Variants in ZDHHC5 observed in about 807,000 individuals in gnomAD.
ZDHHC5 encodes the protein zDHHC palmitoyltransferase 5, also known as palmitoyltransferase ZDHHC5.
A neutral mutation model predicts 70.0 loss-of-function variants in ZDHHC5; 22 were observed. The observed-to-expected ratio is 0.31, with a 90% CI of 0.22 to 0.45. The LOEUF is 0.45. Ranked by LOEUF, ZDHHC5 falls within the 20% of genes least tolerant of loss-of-function variation. The pLI is 1.00. For missense variants in ZDHHC5, 746 were observed against 926.9 expected (o/e 0.80, Z 2.53); for synonymous variants, 313 against 347.8 (o/e 0.90, Z 1.11).
intron 8 of ZDHHC5, 137 bp from the exon 9 acceptor site, chr11:57,695,783 G>T: frequency 8.4e-7 from 1 of 1,189,048 alleles, no homozygotes; most frequent in Non-Finnish European, 1.1e-6. Flanking sequence ...TCAACAGAGT[G>T]AGACCTTGTC....
chr11:57,696,761 A>G lies in ZDHHC5; in HGVS notation c.1010A>G (p.Asp337Gly). The G allele has an allele frequency of 6.2e-7, 1 of 1,613,538 alleles. No homozygotes were observed. The highest frequency in any genetic ancestry group is 8.5e-7 in the Non-Finnish European group (1 of 1,179,624). ...RTHLGLATNE[D>G]SSLLAKDSPP... is the part of the protein sequence containing the mutation. ...GCCCCCTTGGCCTTTTTTCTTGCAG[A>G]TAGTAGCTTATTGGCCAAGGACAGC... Residue 337 changes from aspartate to glycine, a missense_variant and splice_region_variant, in exon 10 of 12, where the codon GAT becomes GGT. By Grantham distance (94) the Asp-to-Gly change is moderately conservative (BLOSUM62 -1). This residue lies in a region of ZDHHC5 where 179 missense variants were observed against 178.4 expected (regional missense o/e 1.00). Transcript: ENST00000287169.
At chr11:57,690,903 C>A (rs958705388) in intron 6 of ZDHHC5, among the ~76,000 whole-genome samples, 5 of 151,818 alleles carry the variant, frequency 3.3e-5, no homozygotes, top group Admixed American at 6.6e-5. Context: ...ATGTAAGTGA[C>A]GAGTTAATGG....
intron 6 of ZDHHC5, 26 bp downstream of exon 6, chr11:57,690,463 C>T (rs754361272): frequency 6.2e-7 from 1 of 1,611,594 alleles, no homozygotes; most frequent in East Asian, 2.2e-5. Flanking sequence ...ACGAGAGACC[C>T]CTGAAGAGCA....
intron 3 of ZDHHC5, among the ~76,000 whole-genome samples, chr11:57,685,294 A>T (rs1181089848): frequency 6.6e-6 from 1 of 152,230 alleles, no homozygotes; most frequent in Non-Finnish European, 1.5e-5. Context: ...TTTAATGTTC[A>T]TTCATCAAAT....
chr11:57,677,733 C>T (rs1946090300), intron 2 of ZDHHC5, among the ~76,000 whole-genome samples: 1 of 152,142 alleles, frequency 6.6e-6, no homozygotes, highest in Non-Finnish European at 1.5e-5. Context: ...GGAAGTTGGC[C>T]GACCTCCATG....
chr11:57,669,007 C>T (rs1945964846), intron 1 of ZDHHC5, among the ~76,000 whole-genome samples: 1 of 152,210 alleles, frequency 6.6e-6, no homozygotes, highest in Non-Finnish European at 1.5e-5. Context: ...TTAATGCCAT[C>T]TTGACCAAGT....
chr11:57,690,047 G>C lies in ZDHHC5; in HGVS notation c.401G>C (p.Cys134Ser). ...DNCVEEFDHH[C>S]PWVNNCIGRR... ...TGTCCCTAGGAATTTGATCATCACTGCCCCTGGGTGAATAACTGTATTGGT... is the reference window on the plus strand; with the variant it reads ...TGTCCCTAGGAATTTGATCATCACTCCCCCTGGGTGAATAACTGTATTGGT... The change falls in exon 5 of 12, where the codon TGC becomes TCC. Residue 134 changes from cysteine to serine, a missense_variant. By Grantham distance (112) the Cys-to-Ser change is moderately radical (BLOSUM62 -1). Around this residue, in one of 6 missense-constraint regions of ZDHHC5, gnomAD observed 18 missense variants for 66.8 expected, o/e 0.27. Transcript: ENST00000287169. 1.2e-6 allele frequency: 2 copies of C among 1,614,108 alleles called. No homozygotes were observed. The highest frequency in any genetic ancestry group is 1.7e-6 in the Non-Finnish European group (2 of 1,180,026).
Position 57,692,640 on chromosome 11 carries a change from C to T in ZDHHC5, c.690C>T (p.Asn230=), listed in dbSNP as rs201799035. The T allele has an allele frequency of 8.7e-6, 14 of 1,614,032 alleles. No homozygotes were observed. Among genetic ancestry groups the T allele is most frequent in the Non-Finnish European group, 1.2e-5 (14 of 1,180,022 alleles). Residue 230 remains asparagine, a synonymous_variant, in exon 7 of 12, where the codon AAC becomes AAT. Transcript: ENST00000287169. The stretch of plus-strand genomic sequence containing the variant: ...CGGGTAAATTCCGGGGAGGTGTGAA[C>T]CCCTTCACCAATGGCTGCTGTAACA... ...QVTGKFRGGV[N]PFTNGCCNNV...
intron 7 of ZDHHC5, 56 bp from the exon 8 acceptor site, chr11:57,693,727 T>C (rs570980118): frequency 6.7e-7 from 1 of 1,485,396 alleles, no homozygotes; most frequent in South Asian, 1.4e-5. Context: ...CTTTAAAATA[T>C]AAATGAATGA....
At chr11:57,689,810 G>T (rs1946258787) in intron 4 of ZDHHC5, among the ~76,000 whole-genome samples, 1 of 151,934 alleles carries the variant, frequency 6.6e-6, no homozygotes, top group South Asian at 2.1e-4. Context: ...CCAAGTAGCT[G>T]GGACTACAAG....
intron 2 of ZDHHC5, among the ~76,000 whole-genome samples, chr11:57,673,862 A>C (rs1042015714): frequency 1.3e-5 from 2 of 152,210 alleles, no homozygotes; most frequent in African/African-American, 2.4e-5. Flanking sequence ...GTGAGCCACC[A>C]TGCTGGGCCG....
chr11:57,685,043 G>T (rs1166093974), intron 3 of ZDHHC5, among the ~76,000 whole-genome samples: 1 of 152,156 alleles, frequency 6.6e-6, no homozygotes, highest in Non-Finnish European at 1.5e-5. Flanking sequence ...AGCTACTTGG[G>T]AGGCTGAGGC....
Position 57,672,532 on chromosome 11 carries a change from C to T in ZDHHC5, c.-559C>T, listed in dbSNP as rs1458690249. On this transcript the variant is annotated 5_prime_UTR_variant, in exon 2 of 12. Transcript: ENST00000287169. Reference sequence around the variant, plus strand: ...GCTCCTCTTTAAAGTTGGAAGGGGCCTCAGGTTCCTTCTTGGATTGAAATA... The same window carrying T: ...GCTCCTCTTTAAAGTTGGAAGGGGCTTCAGGTTCCTTCTTGGATTGAAATA... The T allele has an allele frequency of 3.2e-6, 1 of 315,538 alleles. No individual in the cohort carries two copies. The highest frequency in any genetic ancestry group is 2.1e-5 in the African/African-American group (1 of 46,920). 19.5% of individuals were successfully genotyped at this position (315,538 alleles called of 1,614,324 possible). A position where few individuals can be genotyped will look rare whatever the true frequency, so the allele number is the denominator to read the frequency against.
At chr11:57,682,655 A>G in intron 3 of ZDHHC5, 112 bp downstream of exon 3, 1 of 1,353,018 alleles carries the variant, frequency 7.4e-7, no homozygotes, top group Non-Finnish European at 9.8e-7. Flanking sequence ...GGGATATGAA[A>G]AATAATGATT....
At position 57,693,846 on chromosome 11, in the gene ZDHHC5, A is replaced by C; in HGVS notation, c.816A>C (p.Glu272Asp). Residue 272 changes from glutamate (E) to aspartate (D), a missense_variant, in exon 8 of 12, where the codon GAA becomes GAC. Coordinates refer to ENST00000287169, the MANE Select transcript of ZDHHC5 (RefSeq NM_015457.3). ...TCAGACCTCCCTTCCTTCGACCAGA[A>C]GTTTCAGATGGGCAGATAACTGTGA... is the stretch of plus-strand genomic sequence containing the variant. ...IVIRPPFLRP[E>D]VSDGQITVKI... 1.9e-6 allele frequency: 3 copies of C among 1,611,406 alleles called. No homozygotes were observed. Among genetic ancestry groups the C allele is most frequent in the Non-Finnish European group, 2.5e-6 (3 of 1,178,744 alleles).
At chr11:57,689,174 C>T (rs553737843) in intron 4 of ZDHHC5, among the ~76,000 whole-genome samples, 1 of 152,138 alleles carries the variant, frequency 6.6e-6, no homozygotes, top group African/African-American at 2.4e-5. Flanking sequence ...AGTTGTTTTC[C>T]TGCCTGTCCT....
chr11:57,690,790 C>G (rs1946274600), intron 6 of ZDHHC5, among the ~76,000 whole-genome samples: 2 of 152,112 alleles, frequency 1.3e-5, no homozygotes, highest in South Asian at 4.1e-4. Context: ...TAGGTGGGAA[C>G]TGAACAATGA....
At position 57,672,449 on chromosome 11, in the gene ZDHHC5, G is replaced by A. The variant is rs1946017922; in HGVS notation, c.-642G>A. 2.6e-6 allele frequency: 1 copy of A among 384,612 alleles called. No homozygotes were observed. The allele number at this position is 384,612 out of a possible 1,614,324, so 23.8% of individuals were successfully genotyped here. A position where few individuals can be genotyped will look rare whatever the true frequency, so the allele number is the denominator to read the frequency against. ...CTACAAGCCCTGGTGAAGTCAGGGT[G>A]TGGGAGTGGTGGCATTGAGAAGACT... On this transcript the variant is annotated 5_prime_UTR_variant, in exon 2 of 12. The change creates a new upstream start codon in the 5' untranslated region. Transcript: ENST00000287169.
At chr11:57,689,738 A>G (rs972737288) in intron 4 of ZDHHC5, among the ~76,000 whole-genome samples, 3 of 140,538 alleles carry the variant, frequency 2.1e-5, no homozygotes, top group Admixed American at 1.5e-4. Context: ...TACAGTGGCT[A>G]TTCACAGGCA....
Sources: allele counts gnomAD v4.1 joint callset (sites outside exome capture counted in the v4.1 genomes callset), GRCh38; gene constraint gnomAD v4.1.1; regional missense constraint gnomAD v4.1.1; transcripts MANE v1.5; gene names NCBI Gene and HGNC (gene_info 2026-07-23, HGNC 2026-07-21).